ZBTB20: variants seen among roughly 807,000 people sequenced by gnomAD.
The protein encoded by ZBTB20 is zinc finger and BTB domain-containing protein 20.
In ZBTB20, 9 loss-of-function variants were observed where a neutral mutation model predicts 56.9. That is an observed-to-expected ratio of 0.16 (90% CI 0.10 to 0.28). The LOEUF is 0.28. ZBTB20 is among the 10% of genes least tolerant of loss of function. The probability of loss-of-function intolerance (pLI) is 1.00; values close to 1 mark genes in which losing one functional copy is unlikely to be tolerated. For synonymous variants in ZBTB20, 417 were observed against 420.7 expected, an observed-to-expected ratio of 0.99 and a Z score of 0.11; for missense variants, 655 against 1,003.0, an observed-to-expected ratio of 0.65 and a Z score of 4.69.
intron 1 of ZBTB20, among the ~76,000 whole-genome samples, chr3:115,111,616 A>T (rs766559264): frequency 2.0e-5 from 3 of 152,196 alleles, no homozygotes; most frequent in African/African-American, 7.2e-5. Context: ...ACAATAAAAC[A>T]ATAGATATTA....
At chr3:114,497,518 C>A (rs1442553676) in intron 7 of ZBTB20, among the ~76,000 whole-genome samples, 1 of 152,238 alleles carries the variant, frequency 6.6e-6, no homozygotes, top group Non-Finnish European at 1.5e-5. Flanking sequence ...TGATTATGAT[C>A]CCCTTTTCTT....
intron 7 of ZBTB20, among the ~76,000 whole-genome samples, chr3:114,440,553 C>T (rs2090845823): frequency 6.6e-6 from 1 of 152,114 alleles, no homozygotes; most frequent in African/African-American, 2.4e-5. Flanking sequence ...AATGTGGTTG[C>T]TCTAAATTTA....
chr3:114,643,368 G>C (rs2059658792), intron 6 of ZBTB20, among the ~76,000 whole-genome samples: 1 of 151,994 alleles, frequency 6.6e-6, no homozygotes, highest in South Asian at 2.1e-4. Context: ...GTTCTAATAA[G>C]GAACAAAGAA....
intron 5 of ZBTB20, among the ~76,000 whole-genome samples, chr3:114,753,750 TTAAG>T (rs1352769777): frequency 6.6e-6 from 1 of 152,162 alleles, no homozygotes; most frequent in East Asian, 1.9e-4. Context: ...ATATTTTATA[TTAAG>T]TAATTTTGTT....
intron 2 of ZBTB20, among the ~76,000 whole-genome samples, chr3:115,044,482 A>G (rs897482195): frequency 1.3e-5 from 2 of 152,250 alleles, no homozygotes; most frequent in African/African-American, 4.8e-5. Flanking sequence ...AAAATAAATG[A>G]CAGTGAAGAA....
At chr3:114,829,360 A>G (rs539659934) in intron 4 of ZBTB20, among the ~76,000 whole-genome samples, 1 of 152,024 alleles carries the variant, frequency 6.6e-6, no homozygotes, top group East Asian at 1.9e-4. Context: ...TCTCTCAAAT[A>G]TATTCAAGTT....
chr3:114,609,409 A>G (rs2057391601), intron 6 of ZBTB20, among the ~76,000 whole-genome samples: 1 of 152,196 alleles, frequency 6.6e-6, no homozygotes, highest in South Asian at 2.1e-4. Flanking sequence ...AATTCCCACT[A>G]TCAAATTACA....
intron 2 of ZBTB20, among the ~76,000 whole-genome samples, chr3:114,983,884 C>T (rs1012387605): frequency 1.3e-5 from 2 of 151,994 alleles, no homozygotes; most frequent in African/African-American, 4.8e-5. Context: ...CATAAACTCA[C>T]GGTTTTCAGG....
intron 5 of ZBTB20, among the ~76,000 whole-genome samples, chr3:114,763,570 C>G (rs1453484858): frequency 1.3e-5 from 2 of 152,064 alleles, no homozygotes; most frequent in African/African-American, 4.8e-5. Context: ...AACTCTGCTA[C>G]AACCTTAAAT....
At chr3:114,588,222 AATGT>A (rs1206465148) in intron 6 of ZBTB20, among the ~76,000 whole-genome samples, 1 of 152,198 alleles carries the variant, frequency 6.6e-6, no homozygotes, top group Admixed American at 6.5e-5. Context: ...CTTTGCACAG[AATGT>A]ATCCTTTGTT....
intron 1 of ZBTB20, among the ~76,000 whole-genome samples, chr3:115,097,886 C>T (rs1479963779): frequency 6.6e-6 from 1 of 152,158 alleles, no homozygotes; most frequent in Non-Finnish European, 1.5e-5. Context: ...TAGATTGTGA[C>T]AGTCCCTCCC....
At chr3:114,748,334 C>CTTTTCTTTCTTTCTTCT (rs762103705) in intron 5 of ZBTB20, among the ~76,000 whole-genome samples, 3 of 57,162 alleles carry the variant, frequency 5.2e-5, no homozygotes, top group Admixed American at 1.8e-4. Context: ...TTCTTTCTTT[C>CTTTTCTTTCTTTCTTCT]TTCTTTCTTT....
At chr3:114,586,131 A>G (rs2107523077) in intron 6 of ZBTB20, among the ~76,000 whole-genome samples, 1 of 152,348 alleles carries the variant, frequency 6.6e-6, no homozygotes, top group Non-Finnish European at 1.5e-5. Flanking sequence ...GCTCCCATTA[A>G]GGGGAAATGG....
intron 6 of ZBTB20, among the ~76,000 whole-genome samples, chr3:114,563,865 A>G (rs2052396047): frequency 6.6e-6 from 1 of 152,218 alleles, no homozygotes; most frequent in African/African-American, 2.4e-5. Context: ...ATAACTTTCA[A>G]TAGAAATCAA....
rs1236788385 is a variant in ZBTB20, at chr3:114,683,940, G to A, written c.-295+9588C>T. Among the ~76,000 whole-genome samples the A allele has an allele frequency of 2.6e-5, 4 of 152,148 alleles. No individual in the cohort carries two copies. The East Asian group carries it at 7.7e-4, about 29-fold the overall frequency. On this transcript the variant is annotated intron_variant, in intron 6 of 11. Coordinates refer to ENST00000675478, the MANE Select transcript of ZBTB20 (RefSeq NM_001348800.3). ...AAGACTTGGGGTGGGGGGCAGTGGT[G>A]TATAATATACTGTGTAGTCTGATAT...
At chr3:114,742,370 C>A (rs575879420) in intron 5 of ZBTB20, among the ~76,000 whole-genome samples, 16 of 152,134 alleles carry the variant, frequency 1.1e-4, no homozygotes, top group Admixed American at 3.9e-4. Context: ...AGTATCTATA[C>A]GAAATCCTGA....
intron 6 of ZBTB20, among the ~76,000 whole-genome samples, chr3:114,662,970 T>C: frequency 6.6e-6 from 1 of 151,038 alleles, no homozygotes. Flanking sequence ...CTCTGCAGGA[T>C]ATTATCCAGG....
At chr3:114,543,555 T>C (rs953462160) in intron 6 of ZBTB20, among the ~76,000 whole-genome samples, 3 of 152,202 alleles carry the variant, frequency 2.0e-5, no homozygotes, top group Admixed American at 6.5e-5. Flanking sequence ...GGTACTTTCC[T>C]TTCTTAACAA....
intron 7 of ZBTB20, among the ~76,000 whole-genome samples, chr3:114,393,893 T>C (rs1022344233): frequency 6.6e-6 from 1 of 152,188 alleles, no homozygotes; most frequent in African/African-American, 2.4e-5. Flanking sequence ...GTTTCATTGT[T>C]GGCGTTTCTG....
Sources: allele counts gnomAD v4.1 joint callset (sites outside exome capture counted in the v4.1 genomes callset), GRCh38; gene constraint gnomAD v4.1.1; transcripts MANE v1.5; gene names NCBI Gene and HGNC (gene_info 2026-07-23, HGNC 2026-07-21).